PRKCQ: variants seen among roughly 807,000 people sequenced by gnomAD.
PRKCQ encodes protein kinase C theta type.
PRKCQ carries 41 observed loss-of-function variants against 91.2 expected under a neutral mutation model. That is an observed-to-expected ratio of 0.45 (90% CI 0.35 to 0.58). The LOEUF is 0.58. Ranked by LOEUF, PRKCQ falls within the 20% of genes least tolerant of loss-of-function variation. The pLI, the probability that PRKCQ is intolerant of heterozygous loss-of-function variation, is 0.00. For synonymous variants in PRKCQ, 307 were observed against 316.9 expected, an observed-to-expected ratio of 0.97 and a Z score of 0.33; for missense variants, 673 against 896.5, an observed-to-expected ratio of 0.75 and a Z score of 3.18.
chr10:6,568,095 A>G (rs567542930), intron 1 of PRKCQ, among the ~76,000 whole-genome samples: 3 of 152,202 alleles, frequency 2.0e-5, no homozygotes, highest in African/African-American at 7.2e-5. Context: ...AAAGTTATCC[A>G]GGCATGGTGC....
At chr10:6,579,187 G>A (rs1273650554) in intron 1 of PRKCQ, among the ~76,000 whole-genome samples, 2 of 152,186 alleles carry the variant, frequency 1.3e-5, no homozygotes, top group African/African-American at 4.8e-5. Context: ...CAGGCTTGAG[G>A]TGTGCTCTCA....
intron 12 of PRKCQ, among the ~76,000 whole-genome samples, chr10:6,475,849 C>T (rs942132363): frequency 6.6e-6 from 1 of 152,196 alleles, no homozygotes. Context: ...AAAGGTGATT[C>T]AAGCTTCTTC....
chr10:6,498,717 C>T (rs1018554873), intron 4 of PRKCQ, among the ~76,000 whole-genome samples, 159 bp from the exon 5 acceptor site: 1 of 152,170 alleles, frequency 6.6e-6, no homozygotes, highest in Admixed American at 6.5e-5. Context: ...GGGTACCACA[C>T]TAAGCATCTT....
intron 7 of PRKCQ, among the ~76,000 whole-genome samples, chr10:6,494,853 T>A (rs949903169): frequency 1.3e-5 from 2 of 152,222 alleles, no homozygotes; most frequent in Non-Finnish European, 2.9e-5. Context: ...CAAGCTCATG[T>A]GAAATTGTCT....
At chr10:6,425,492 G>A (rs571394899), downstream of PRKCQ, among the ~76,000 whole-genome samples, 3 of 152,020 alleles carry the variant, frequency 2.0e-5, no homozygotes, top group South Asian at 6.2e-4. Flanking sequence ...AAAGTGCTGG[G>A]ATTACAGGCG....
chr10:6,473,953 GTTATTA>G (rs143559011), intron 12 of PRKCQ, among the ~76,000 whole-genome samples: 2,155 of 152,052 alleles, frequency 0.014, 46 homozygotes, highest in African/African-American at 0.04. Flanking sequence ...TGCTATTATT[GTTATTA>G]TTATTATTTT....
At chr10:6,542,122 A>T (rs1839798479) in intron 1 of PRKCQ, among the ~76,000 whole-genome samples, 1 of 152,254 alleles carries the variant, frequency 6.6e-6, no homozygotes, top group African/African-American at 2.4e-5. Context: ...ACTAAGAGCA[A>T]CGAAGCCAAT....
At chr10:6,520,761 A>T (rs972689797) in intron 1 of PRKCQ, among the ~76,000 whole-genome samples, 1 of 152,070 alleles carries the variant, frequency 6.6e-6, no homozygotes, top group East Asian at 1.9e-4. Flanking sequence ...TTTGCGTCAC[A>T]CCTGCCATTT....
rs1369174070 is a variant in PRKCQ, at chr10:6,579,369, G to A, written c.-10+842C>T. 2.6e-5 allele frequency among the ~76,000 whole-genome samples: 4 copies of A among 152,104 alleles called. No homozygotes were observed. The South Asian group carries it at 6.2e-4, about 24-fold the overall frequency. ...TATAGCACCACGTCCAGCCCGCACA[G>A]GGGCAGGACAGCCCAGGGAACAAGG... On this transcript the variant is annotated intron_variant, in intron 1 of 17. Transcript: ENST00000263125.
At chr10:6,432,168 C>T (rs922313646) in intron 16 of PRKCQ, among the ~76,000 whole-genome samples, 13 of 152,072 alleles carry the variant, frequency 8.5e-5, no homozygotes, top group African/African-American at 1.2e-4. Flanking sequence ...TGGTGGAACG[C>T]GTGATTTTCC....
chr10:6,478,929 A>G, intron 12 of PRKCQ, 63 bp downstream of exon 12: 1 of 1,569,670 alleles, frequency 6.4e-7, no homozygotes, highest in Non-Finnish European at 8.7e-7. Context: ...TGAGGGCGCC[A>G]TTGAAGGTAT....
intron 4 of PRKCQ, among the ~76,000 whole-genome samples, chr10:6,505,596 C>T (rs573891522): frequency 7.2e-5 from 10 of 138,660 alleles, no homozygotes; most frequent in African/African-American, 5.1e-5. Context: ...CTTCCTCTCT[C>T]TCACCCTCTC....
chr10:6,535,864 G>A (rs529729244), intron 1 of PRKCQ, among the ~76,000 whole-genome samples: 3 of 152,246 alleles, frequency 2.0e-5, no homozygotes, highest in Non-Finnish European at 2.9e-5. Context: ...TTAAGCTGAC[G>A]AAACCAACTG....
rs1218731012 is a variant in PRKCQ, at chr10:6,430,193, C to T, written c.1965+617G>A. 6.6e-6 allele frequency among the ~76,000 whole-genome samples: 1 copy of T among 152,118 alleles called. No individual in the cohort carries two copies. The highest frequency in any genetic ancestry group is 2.4e-5 in the African/African-American group (1 of 41,422). Reference sequence around the variant, plus strand: ...TTTTTGACTTCACTTTATGGTGGCCCGTCTCGCAGGTGAGCCAGGTCATTC... The same window carrying T: ...TTTTTGACTTCACTTTATGGTGGCCTGTCTCGCAGGTGAGCCAGGTCATTC... On this transcript the variant is annotated intron_variant, in intron 17 of 17. Transcript: ENST00000263125. This position sits in a 1 kb window ranked among gnomAD's most constrained non-coding sequence, Gnocchi z 4.7.
rs1229738538 is a variant in PRKCQ, at chr10:6,576,277, T to C, written c.-10+3934A>G. ...CGTGTTCCTCTTCACGGCAGCATTA[T>C]TCACAATAATCAAAAGATAGAAGCA... is the stretch of plus-strand genomic sequence containing the variant. On this transcript the variant is annotated intron_variant, in intron 1 of 17. Transcript: ENST00000263125. The surrounding 1 kb of genome is among the most constrained non-coding windows in gnomAD (Gnocchi z 4.2). Among the ~76,000 whole-genome samples the C allele has an allele frequency of 2.0e-5, 3 of 152,168 alleles. No individual in the cohort carries two copies. Among genetic ancestry groups the C allele is most frequent in the Admixed American group, 6.5e-5 (1 of 15,288 alleles).
chr10:6,575,865 C>T (rs1174747155), intron 1 of PRKCQ, among the ~76,000 whole-genome samples: 1 of 152,098 alleles, frequency 6.6e-6, no homozygotes, highest in Non-Finnish European at 1.5e-5. Flanking sequence ...CATGGTGAAA[C>T]CCCATCTCTA....
In PRKCQ at chr10:6,497,390, C is replaced by T; in HGVS notation, c.543-139G>A. 1.0e-6 allele frequency: 1 copy of T among 995,144 alleles called. No individual in the cohort carries two copies. 61.6% of individuals were successfully genotyped at this position (995,144 alleles called of 1,614,324 possible). ...ATCAGCAGCCCTGTTGTATCATTTG[C>T]CAAGAGTATTAACAGAGTGTTTTTC... On this transcript the variant is annotated intron_variant, in intron 5 of 17. Transcript: ENST00000263125. This position sits in a 1 kb window ranked among gnomAD's most constrained non-coding sequence, Gnocchi z 4.5.
At chr10:6,524,017 C>T (rs7095888) in intron 1 of PRKCQ, among the ~76,000 whole-genome samples, 2,686 of 152,240 alleles carry the variant, frequency 0.018, 76 homozygotes, top group African/African-American at 0.062. Context: ...GGACTTCTCT[C>T]GATTTGCTGA....
Position 6,451,174 on chromosome 10 carries a change from C to T in PRKCQ, c.1647+5500G>A, listed in dbSNP as rs367681926. 1.2e-3 allele frequency among the ~76,000 whole-genome samples: 172 copies of T among 149,180 alleles called. 1 individual carries two copies. Among genetic ancestry groups the T allele is most frequent in the Non-Finnish European group, 1.8e-3 (119 of 67,390 alleles). On this transcript the variant is annotated intron_variant, in intron 15 of 17. Transcript: ENST00000263125. ...GAAAGGATCAACAAAATTGATAGAC[C>T]GCTAGCAAGACTAATAAAGAAAAAA...
Sources: allele counts gnomAD v4.1 joint callset (sites outside exome capture counted in the v4.1 genomes callset), GRCh38; gene constraint gnomAD v4.1.1; non-coding constraint Gnocchi (gnomAD v3.1); transcripts MANE v1.5; gene names NCBI Gene and HGNC (gene_info 2026-07-23, HGNC 2026-07-21).